The following AMPD3 variants were observed in gnomAD, a reference collection of about 807,000 sequenced individuals.
The protein encoded by AMPD3 is AMP deaminase 3.
Under a neutral mutation model 82.3 loss-of-function variants are expected in AMPD3, and 57 were observed. The observed-to-expected ratio is 0.69, with a 90% CI of 0.56 to 0.86. AMPD3 has a LOEUF of 0.86. Among genes scored for constraint, AMPD3 ranks in the 40% least tolerant of loss-of-function variants. AMPD3 has a pLI of 0.00. For missense variants in AMPD3, 870 were observed against 1,003.8 expected (o/e 0.87, Z 1.80); for synonymous variants, 381 against 394.7 (o/e 0.97, Z 0.41).
In AMPD3 at chr11:10,484,975, C is replaced by T. The variant is rs1849022620; in HGVS notation, c.745C>T (p.Pro249Ser). 3.1e-6 allele frequency: 5 copies of T among 1,607,982 alleles called. No individual in the cohort carries two copies. In the African/African-American group the frequency reaches 6.9e-5, roughly 22 times the overall value. The change falls in exon 5 of 15, where the codon CCC becomes TCC. Residue 249 changes from proline (P) to serine (S), a missense_variant. By Grantham distance (74) the Pro-to-Ser change is moderately conservative. Transcript: ENST00000396553. ...EHQEPHSLPY[P>S]DLETYTVDMS... Reference sequence around the variant, plus strand: ...CCAGGAGCCGCACAGCCTACCCTACCCCGACCTGGAGACCTACACGGTGGA... The same window carrying T: ...CCAGGAGCCGCACAGCCTACCCTACTCCGACCTGGAGACCTACACGGTGGA...
chr11:10,458,834 T>G (rs1848176117), intron 1 of AMPD3, among the ~76,000 whole-genome samples: 1 of 152,216 alleles, frequency 6.6e-6, no homozygotes, highest in Non-Finnish European at 1.5e-5. Flanking sequence ...AATGGTATGG[T>G]GCTTTATGGC....
chr11:10,502,712 C>G lies in AMPD3; in HGVS notation c.1843-9C>G, dbSNP rs759897646. On this transcript the variant is annotated splice_polypyrimidine_tract_variant and intron_variant, in intron 12 of 14. Coordinates refer to ENST00000396553, the MANE Select transcript of AMPD3 (RefSeq NM_001025389.2). ...CACTTGTCACATGAGTTCGGTGGTT[C>G]TTTTGCAGAGTCCGGTATTGCAGTA... is the stretch of plus-strand genomic sequence containing the variant. 1 of 1,614,012 alleles carries G rather than the reference C, an allele frequency of 6.2e-7. No individual in the cohort carries two copies.
intron 1 of AMPD3, among the ~76,000 whole-genome samples, chr11:10,460,697 A>G (rs1411338977): frequency 2.6e-5 from 4 of 152,142 alleles, no homozygotes; most frequent in Non-Finnish European, 4.4e-5. Flanking sequence ...GCGTGAGCCA[A>G]TGCGCCTGGC....
At chr11:10,498,874 G>A (rs184681628) in intron 10 of AMPD3, among the ~76,000 whole-genome samples, 71 of 152,334 alleles carry the variant, frequency 4.7e-4, no homozygotes, top group Non-Finnish European at 3.8e-4. Flanking sequence ...CTGAGAGCCC[G>A]TACCCTCCAT....
chr11:10,451,599 AG>A (rs1435064659), upstream of AMPD3, among the ~76,000 whole-genome samples: 1 of 152,220 alleles, frequency 6.6e-6, no homozygotes, highest in Non-Finnish European at 1.5e-5. Context: ...AGGCTGGCAG[AG>A]GTCCCTGGGG....
chr11:10,507,253 TAGA>T lies in AMPD3; in HGVS notation c.*1377_*1379del, dbSNP rs1849734108. ...GGAGGTCTTTTTGAATCATTATAGT[TAGA>T]AGAAGAATCCAGTTTCTGCCTGTGA... On this transcript the variant is annotated 3_prime_UTR_variant, in exon 15 of 15. Transcript: ENST00000396553. 6.6e-6 allele frequency: 1 copy of T among 152,228 alleles called. No individual in the cohort carries two copies. Among genetic ancestry groups the T allele is most frequent in the Non-Finnish European group, 1.5e-5 (1 of 68,042 alleles). 9.4% of individuals were successfully genotyped at this position (152,228 alleles called of 1,614,324 possible).
intron 3 of AMPD3, among the ~76,000 whole-genome samples, chr11:10,479,172 A>G (rs1394195748): frequency 6.6e-6 from 1 of 152,212 alleles, no homozygotes; most frequent in Non-Finnish European, 1.5e-5. Context: ...ACCCTTAAAT[A>G]TAGGCTAGAT....
intron 2 of AMPD3, among the ~76,000 whole-genome samples, chr11:10,462,901 G>A (rs1410127287): frequency 6.6e-6 from 1 of 152,152 alleles, no homozygotes; most frequent in African/African-American, 2.4e-5. Context: ...CTTCCAGAAG[G>A]CCCATGTGGT....
At position 10,482,177 on chromosome 11, in the gene AMPD3, C is replaced by T; in HGVS notation, c.541C>T (p.Leu181=). The change falls in exon 4 of 15, where the codon CTG becomes TTG. Residue 181 remains leucine, a synonymous_variant. Coordinates refer to ENST00000396553, the MANE Select transcript of AMPD3 (RefSeq NM_001025389.2). ...CTTCCCGCGGATCACATCCCAGTAC[C>T]TGGGTCATCCGCGGGCGGATACTGC... The part of the protein sequence containing the change: ...HRFPRITSQY[L]GHPRADTAPP... 1.9e-6 allele frequency: 3 copies of T among 1,613,798 alleles called. No individual in the cohort carries two copies. Among genetic ancestry groups the T allele is most frequent in the Non-Finnish European group, 1.7e-6 (2 of 1,179,990 alleles).
At chr11:10,483,528 T>G (rs180844771) in intron 4 of AMPD3, among the ~76,000 whole-genome samples, 1 of 152,352 alleles carries the variant, frequency 6.6e-6, no homozygotes, top group East Asian at 1.9e-4. Flanking sequence ...CAGAAATGAC[T>G]GTCAAATGTG....
At chr11:10,473,657 G>A in intron 2 of AMPD3, 2 of 947,698 alleles carry the variant, frequency 2.1e-6, no homozygotes, top group Non-Finnish European at 1.3e-6. Flanking sequence ...TGCTCTCTCT[G>A]TAGGGACCCC....
In AMPD3 at chr11:10,496,782, C is replaced by G. The variant is rs751092774; in HGVS notation, c.1431-30C>G. On this transcript the variant is annotated intron_variant, in intron 9 of 14. Coordinates refer to ENST00000396553, the MANE Select transcript of AMPD3 (RefSeq NM_001025389.2). ...ACAGGGCAGCAGGCTGTTGGATCCA[C>G]CTGACAAGCGAGTCTTTGCTGTCCC... The G allele has an allele frequency of 3.7e-6, 6 of 1,613,946 alleles. No homozygotes were observed. In the East Asian group the frequency reaches 1.3e-4, roughly 36 times the overall value.
rs367750414 is a variant in AMPD3 at position 10,501,684 on chromosome 11, C to T, written c.1842+94C>T. ...CAGTGAGGCCAGAAGGCTGGGCCCT[C>T]TTCTGGGCTGGGATGTCTGTCCTTA... On this transcript the variant is annotated intron_variant, in intron 12 of 14. Transcript: ENST00000396553. The T allele has an allele frequency of 1.1e-4, 184 of 1,606,390 alleles. 1 individual carries two copies. In the African/African-American group the frequency reaches 2.1e-3, roughly 18 times the overall value.
upstream of AMPD3, among the ~76,000 whole-genome samples, chr11:10,454,069 G>T (rs549570765): frequency 1.3e-5 from 2 of 152,288 alleles, no homozygotes; most frequent in African/African-American, 4.8e-5. Flanking sequence ...TTTGAGCTTG[G>T]GATCAGTGCT....
In AMPD3 at chr11:10,461,461, C is replaced by T. The variant is rs78155698; in HGVS notation, c.-5-54C>T. 7.3e-5 allele frequency: 118 copies of T among 1,612,592 alleles called. No individual in the cohort carries two copies. In the East Asian group the frequency reaches 8.5e-4, roughly 12 times the overall value. On this transcript the variant is annotated intron_variant, in intron 1 of 14. Coordinates refer to ENST00000396553, the MANE Select transcript of AMPD3 (RefSeq NM_001025389.2). ...CCTCACTTCAGTGCCTTCTCTTCCC[C>T]GGTGCTGGTGACTCAGGGCATCCTG...
chr11:10,490,827 TTTG>T (rs1307856449), intron 6 of AMPD3, among the ~76,000 whole-genome samples: 4 of 152,126 alleles, frequency 2.6e-5, no homozygotes, highest in Non-Finnish European at 5.9e-5. Flanking sequence ...CTGACCTTCT[TTTG>T]TGCATCCCAC....
intron 9 of AMPD3, 59 bp from the exon 10 acceptor site, chr11:10,496,753 T>C: frequency 6.2e-7 from 1 of 1,613,676 alleles, no homozygotes; most frequent in Non-Finnish European, 8.5e-7. Context: ...GGGGCTGGTC[T>C]CTGACAGGGC....
At chr11:10,453,815 C>T (rs1848018868), upstream of AMPD3, among the ~76,000 whole-genome samples, 1 of 151,994 alleles carries the variant, frequency 6.6e-6, no homozygotes, top group Non-Finnish European at 1.5e-5. Context: ...TCTCAATCTC[C>T]TGACCTTGTG....
At chr11:10,488,442 A>G (rs905279125) in intron 6 of AMPD3, 22 of 979,066 alleles carry the variant, frequency 2.2e-5, no homozygotes, top group Admixed American at 6.5e-5. Context: ...CGTGATGTGC[A>G]AATGTCAGGA....
Sources: allele counts gnomAD v4.1 joint callset (sites outside exome capture counted in the v4.1 genomes callset), GRCh38; gene constraint gnomAD v4.1.1; transcripts MANE v1.5; gene names NCBI Gene and HGNC (gene_info 2026-07-23, HGNC 2026-07-21).